Variants in IGFN1 observed in about 807,000 individuals in gnomAD.
IGFN1 encodes immunoglobulin like and fibronectin type III domain containing 1, also known as immunoglobulin-like and fibronectin type III domain-containing protein 1.
Under a neutral mutation model 289.5 loss-of-function variants are expected in IGFN1, and 253 were observed. The observed-to-expected ratio is 0.87, with a 90% CI of 0.79 to 0.97. The LOEUF is 0.97. IGFN1 is among the 50% of genes least tolerant of loss of function. The pLI, the probability that IGFN1 is intolerant of heterozygous loss-of-function variation, is 0.00. For synonymous variants in IGFN1, 1,706 were observed against 1,788.5 expected, an observed-to-expected ratio of 0.95 and a Z score of 1.16; for missense variants, 4,470 against 4,686.1, an observed-to-expected ratio of 0.95 and a Z score of 1.35.
In IGFN1 at chr1:201,201,791, C is replaced by A; in HGVS notation, c.706C>A (p.Leu236Met). The change falls in exon 9 of 24, where the codon CTG becomes ATG. Residue 236 changes from leucine (L) to methionine (M), a missense_variant. Leu to Met is a conservative substitution (Grantham distance 15, BLOSUM62 2). Coordinates refer to ENST00000335211, the MANE Select transcript of IGFN1 (RefSeq NM_001164586.2). ...KDGNAKFDLE[L>M]DLKDSQSKIY... is the part of the protein sequence containing the mutation. ...TGGGAATGCAAAGTTTGACTTGGAG[C>A]TGGATCTCAAGGATTCTCAGAGCAA... 1.3e-6 allele frequency: 2 copies of A among 1,547,320 alleles called. No homozygotes were observed. Among genetic ancestry groups the A allele is most frequent in the South Asian group, 1.2e-5 (1 of 83,990 alleles).
chr1:201,206,853 G>A lies in IGFN1; in HGVS notation c.1960G>A (p.Val654Met), dbSNP rs1451790650. 2 of 1,536,592 alleles carry A rather than the reference G, an allele frequency of 1.3e-6. No individual in the cohort carries two copies. The highest frequency in any genetic ancestry group is 1.7e-6 in the Non-Finnish European group (2 of 1,146,658). Residue 654 changes from valine (V) to methionine (M), a missense_variant, in exon 12 of 24, where the codon GTG becomes ATG. Physicochemically the swap from Val to Met is conservative, Grantham distance 21. This residue lies in a region of IGFN1 where 2,011 missense variants were observed against 1,953.4 expected (regional missense o/e 1.03). Transcript: ENST00000335211. ...PSRERGRGIV[V>M]WGGGTGLGEA... Reference sequence around the variant, plus strand: ...TAGGGAAAGGGGGAGAGGAATAGTAGTGTGGGGTGGTGGGACTGGCCTGGG... The same window carrying A: ...TAGGGAAAGGGGGAGAGGAATAGTAATGTGGGGTGGTGGGACTGGCCTGGG...
chr1:201,201,779 T>C lies in IGFN1; in HGVS notation c.694T>C (p.Phe232Leu). Residue 232 changes from phenylalanine (F) to leucine (L), a missense_variant, in exon 9 of 24, where the codon TTT becomes CTT. Transcript: ENST00000335211. ...GGTCACCAAGGATGGGAATGCAAAG[T>C]TTGACTTGGAGCTGGATCTCAAGGA... Reference protein sequence around the residue: ...IRVTKDGNAKFDLELDLKDSQ... With the variant: ...IRVTKDGNAKLDLELDLKDSQ... The C allele has an allele frequency of 6.4e-7, 1 of 1,550,928 alleles. No individual in the cohort carries two copies. Among genetic ancestry groups the C allele is most frequent in the Non-Finnish European group, 8.7e-7 (1 of 1,146,098 alleles).
intron 9 of IGFN1, among the ~76,000 whole-genome samples, chr1:201,202,751 C>CCCTCCCTCCCTTCCTTCCTT (rs1193705003): frequency 2.6e-5 from 1 of 38,972 alleles, no homozygotes; most frequent in African/African-American, 1.3e-4. Flanking sequence ...CTCCCTCCCT[C>CCCTCCCTCCCTTCCTTCCTT]CCTTCCTTCC....
chr1:201,201,584 A>T (rs981333492), intron 8 of IGFN1, 135 bp from the exon 9 acceptor site: 6 of 572,306 alleles, frequency 1.0e-5, no homozygotes, highest in Admixed American at 3.1e-5. Context: ...ACTTTCCCCC[A>T]CTTGTAAAAG....
In IGFN1 at chr1:201,199,623, C is replaced by G; in HGVS notation, c.427C>G (p.Leu143Val). ...TCCTTTTTCAGACCTCAGGAAGGAGCTGATGGACTTCCGGAAGTTGCTGAA... is the reference window on the plus strand; with the variant it reads ...TCCTTTTTCAGACCTCAGGAAGGAGGTGATGGACTTCCGGAAGTTGCTGAA... The part of the protein sequence containing the change: ...REPQEDLRKE[L>V]MDFRKLLKKR... Residue 143 changes from leucine to valine, a missense_variant, in exon 7 of 24, where the codon CTG becomes GTG. Coordinates refer to ENST00000335211, the MANE Select transcript of IGFN1 (RefSeq NM_001164586.2). 6.4e-7 allele frequency: 1 copy of G among 1,551,572 alleles called. No homozygotes were observed. The highest frequency in any genetic ancestry group is 8.7e-7 in the Non-Finnish European group (1 of 1,146,922).
rs1275117967 is a variant in IGFN1, at chr1:201,206,431, G to C, written c.1538G>C (p.Gly513Ala). 1.3e-6 allele frequency: 2 copies of C among 1,551,084 alleles called. No individual in the cohort carries two copies. The highest frequency in any genetic ancestry group is 2.4e-5 in the South Asian group (2 of 84,066). ...PRENQSHREG[G>A]WARSLAERPH... is the part of the protein sequence containing the mutation. ...GAAAATCAATCCCACAGAGAGGGAG[G>C]CTGGGCCAGAAGCCTTGCAGAGAGG... Residue 513 changes from glycine (G) to alanine (A), a missense_variant, in exon 12 of 24, where the codon GGC becomes GCC. Coordinates refer to ENST00000335211, the MANE Select transcript of IGFN1 (RefSeq NM_001164586.2).
chr1:201,205,308 G>T lies in IGFN1; in HGVS notation c.1143G>T (p.Ser381=). The T allele has an allele frequency of 6.5e-7, 1 of 1,548,622 alleles. No individual in the cohort carries two copies. ...GARFSDMGPY[S]LGTGLYTSSA... is the part of the protein sequence containing the mutation. ...GTTTCTCAGACATGGGCCCCTATTC[G>T]CTGGGCACCGGGCTCTACACTTCCA... The change falls in exon 11 of 24, where the codon TCG becomes TCT. Residue 381 remains serine, a synonymous_variant. Coordinates refer to ENST00000335211, the MANE Select transcript of IGFN1 (RefSeq NM_001164586.2).
intron 10 of IGFN1, 41 bp downstream of exon 10, chr1:201,203,947 T>G: frequency 6.6e-7 from 1 of 1,512,418 alleles, no homozygotes; most frequent in Non-Finnish European, 8.9e-7. Context: ...TGGGGAGATA[T>G]GTTAGAAATG....
Position 201,211,700 on chromosome 1 carries a change from G to C in IGFN1, c.6807G>C (p.Arg2269Ser), listed in dbSNP as rs377067879. The change falls in exon 12 of 24, where the codon AGG becomes AGC. Residue 2269 changes from arginine (R) to serine (S), a missense_variant. Transcript: ENST00000335211. ...EMGSGSYTDY[R>S]NGLGSSGKIS... ...GTTCAGGCAGTTACACAGATTACAG[G>C]AATGGTTTAGGCAGTTCTGGAAAAA... 1.3e-6 allele frequency: 2 copies of C among 1,537,040 alleles called. No individual in the cohort carries two copies. The highest frequency in any genetic ancestry group is 1.2e-5 in the South Asian group (1 of 84,066).
chr1:201,217,566 G>A (rs1464552881), intron 17 of IGFN1, 106 bp downstream of exon 17: 4 of 1,211,084 alleles, frequency 3.3e-6, no homozygotes, highest in African/African-American at 1.5e-5. Flanking sequence ...CTCGTCTAGG[G>A]TGGTTTGGCA....
intron 3 of IGFN1, among the ~76,000 whole-genome samples, chr1:201,194,746 A>G (rs1014698915): frequency 2.0e-5 from 3 of 152,190 alleles, no homozygotes; most frequent in Non-Finnish European, 4.4e-5. Context: ...GGTGTCCAAG[A>G]AAGTGGTGGG....
In IGFN1 at chr1:201,206,720, C is replaced by A. The variant is rs1261857280; in HGVS notation, c.1827C>A (p.Asp609Glu). 3.3e-6 allele frequency: 5 copies of A among 1,536,662 alleles called. No individual in the cohort carries two copies. The highest frequency in any genetic ancestry group is 1.4e-5 in the African/African-American group (1 of 73,000). ...TGGGACCTGGGAGAGGAAAGAGCGA[C>A]CTGCAGGGATGCCAGTCTGATCCTG... ...ARLGPGRGKSDLQGCQSDPVG... is the reference protein window; with the variant it reads ...ARLGPGRGKSELQGCQSDPVG... Residue 609 changes from aspartate (D) to glutamate (E), a missense_variant, in exon 12 of 24, where the codon GAC becomes GAA. Physicochemically the swap from Asp to Glu is conservative, Grantham distance 45. Transcript: ENST00000335211.
Position 201,211,796 on chromosome 1 carries a change from G to A in IGFN1, c.6903G>A (p.Glu2301=), listed in dbSNP as rs1478708370. The A allele has an allele frequency of 3.3e-6, 5 of 1,536,866 alleles. No homozygotes were observed. The South Asian group carries it at 5.9e-5, about 18-fold the overall frequency. The change falls in exon 12 of 24, where the codon GAG becomes GAA. Residue 2301 remains glutamate (E), a synonymous_variant. Coordinates refer to ENST00000335211, the MANE Select transcript of IGFN1 (RefSeq NM_001164586.2). ...CTGGGAGGAATCCATTAGGGAGCGA[G>A]GCAGGTTCTAGGGGTAGTTTGGAGG... ...GGSGRNPLGS[E]AGSRGSLEDS...
rs1420891641 is a variant in IGFN1, at chr1:201,208,617, A to C, written c.3724A>C (p.Arg1242=). 6.6e-7 allele frequency: 1 copy of C among 1,518,552 alleles called. No homozygotes were observed. The highest frequency in any genetic ancestry group is 8.8e-7 in the Non-Finnish European group (1 of 1,139,364). 94.1% of individuals were successfully genotyped at this position (1,518,552 alleles called of 1,614,324 possible). The change falls in exon 12 of 24, where the codon AGG becomes CGG. Residue 1242 remains arginine (R), a synonymous_variant. Transcript: ENST00000335211. ...AGAAAGGTCAAGGGGCCTTGGGCCT[A>C]GGAGTACAGGGCCAGGGGGTGAGGC... The part of the protein sequence containing the change: ...YGERSRGLGP[R]STGPGGEAGF...
At chr1:201,193,554 T>G (rs886471991) in intron 2 of IGFN1, among the ~76,000 whole-genome samples, 3 of 152,152 alleles carry the variant, frequency 2.0e-5, no homozygotes, top group African/African-American at 4.8e-5. Context: ...CAGGTTCAAG[T>G]GATTCTCCCA....
Position 201,208,079 on chromosome 1 carries a change from G to A in IGFN1, c.3186G>A (p.Gln1062=). The change falls in exon 12 of 24, where the codon CAG becomes CAA. Residue 1062 remains glutamine (Q), a synonymous_variant. Transcript: ENST00000335211. ...CCAGGAATTGGGCCTCTGCATGCCA[G>A]GCAGGCATGGACCCTAGGGGAGGGC... The part of the protein sequence containing the change: ...NDTRNWASAC[Q]AGMDPRGGHH... The A allele has an allele frequency of 1.3e-6, 2 of 1,537,036 alleles. No individual in the cohort carries two copies. Among genetic ancestry groups the A allele is most frequent in the South Asian group, 1.2e-5 (1 of 84,062 alleles).
Position 201,216,467 on chromosome 1 carries a change from C to A in IGFN1, c.9309C>A (p.Pro3103=). 1 of 1,571,514 alleles carries A rather than the reference C, an allele frequency of 6.4e-7. No homozygotes were observed. The change falls in exon 16 of 24, where the codon CCC becomes CCA. Residue 3103 remains proline, a synonymous_variant. Coordinates refer to ENST00000335211, the MANE Select transcript of IGFN1 (RefSeq NM_001164586.2). ...LTLQVIDKPD[P]PQGPMEVQDC... ...GTGGGTCCCCAGACAAGCCTGATCC[C>A]CCACAAGGCCCCATGGAGGTTCAGG... is the stretch of plus-strand genomic sequence containing the variant.
At chr1:201,204,359 GAC>G (rs1667302776) in intron 10 of IGFN1, among the ~76,000 whole-genome samples, 1 of 152,164 alleles carries the variant, frequency 6.6e-6, no homozygotes, top group African/African-American at 2.4e-5. Context: ...TCTAGGAACT[GAC>G]ACTCCTCCTT....
At chr1:201,191,985 G>A (rs905391229) in intron 1 of IGFN1, among the ~76,000 whole-genome samples, 17 of 151,512 alleles carry the variant, frequency 1.1e-4, no homozygotes, top group Admixed American at 6.6e-5. Flanking sequence ...GCACTGAGGG[G>A]TGGGTGGGAT....
Sources: gnomAD v4.1 joint callset for allele counts (sites outside exome capture counted in the v4.1 genomes callset) on GRCh38, gnomAD v4.1.1 for gene constraint, gnomAD v4.1.1 regional missense constraint, MANE v1.5 for transcripts, NCBI Gene and HGNC (gene_info 2026-07-23, HGNC 2026-07-21) for gene names.